The following GRID2 variants were observed in gnomAD, a reference collection of about 807,000 sequenced individuals.
GRID2 encodes the protein glutamate receptor ionotropic, delta-2.
In GRID2, 33 loss-of-function variants were observed where a neutral mutation model predicts 114.8. That is an observed-to-expected ratio of 0.29 (90% CI 0.22 to 0.38). GRID2 has a LOEUF of 0.38. GRID2 is among the 10% of genes least tolerant of loss of function. The pLI, the probability that GRID2 is intolerant of heterozygous loss-of-function variation, is 1.00. For synonymous variants in GRID2, 505 were observed against 449.9 expected, an observed-to-expected ratio of 1.12 and a Z score of -1.55; for missense variants, 1,184 against 1,257.7, an observed-to-expected ratio of 0.94 and a Z score of 0.89.
At chr4:93,011,001 T>A (rs1010763659) in intron 2 of GRID2, among the ~76,000 whole-genome samples, 4 of 151,976 alleles carry the variant, frequency 2.6e-5, no homozygotes, top group Non-Finnish European at 5.9e-5. Flanking sequence ...TTTTCTGACC[T>A]TTTTAGATTT....
At chr4:92,426,313 A>T (rs1732154352) in intron 1 of GRID2, among the ~76,000 whole-genome samples, 1 of 152,160 alleles carries the variant, frequency 6.6e-6, no homozygotes, top group African/African-American at 2.4e-5. Context: ...TGGTAACATG[A>T]TATACAAAGA....
chr4:92,597,271 A>T (rs145560555), intron 2 of GRID2, among the ~76,000 whole-genome samples: 1 of 152,260 alleles, frequency 6.6e-6, no homozygotes, highest in East Asian at 1.9e-4. Context: ...TAATGAAGAT[A>T]CAAATTGCAT....
intron 2 of GRID2, among the ~76,000 whole-genome samples, chr4:92,981,731 T>G (rs2045316): frequency 0.4 from 61,048 of 151,666 alleles, 12,665 homozygotes; most frequent in Admixed American, 0.53. Flanking sequence ...AGACATGGTC[T>G]TAATAATTCA....
intron 2 of GRID2, among the ~76,000 whole-genome samples, chr4:92,879,182 A>G (rs1745830618): frequency 6.6e-6 from 1 of 152,148 alleles, no homozygotes; most frequent in South Asian, 2.1e-4. Flanking sequence ...AAAACTGTTA[A>G]TGATACTATC....
At chr4:92,800,380 G>T (rs984342569) in intron 2 of GRID2, among the ~76,000 whole-genome samples, 1 of 151,864 alleles carries the variant, frequency 6.6e-6, no homozygotes, top group Non-Finnish European at 1.5e-5. Flanking sequence ...GTAGCCTTGG[G>T]ATAAGAAATA....
At chr4:92,840,399 T>C (rs146297218) in intron 2 of GRID2, among the ~76,000 whole-genome samples, 1 of 151,994 alleles carries the variant, frequency 6.6e-6, no homozygotes, top group Non-Finnish European at 1.5e-5. Flanking sequence ...AGTCTTCTCT[T>C]CCTTCTTTCT....
At chr4:93,053,760 A>T (rs1340268809) in intron 2 of GRID2, among the ~76,000 whole-genome samples, 1 of 151,956 alleles carries the variant, frequency 6.6e-6, no homozygotes, top group Non-Finnish European at 1.5e-5. Flanking sequence ...TGAGTTAGAG[A>T]GCTATAGCTG....
At chr4:93,523,968 T>G (rs1162872937) in intron 13 of GRID2, among the ~76,000 whole-genome samples, 9 of 151,966 alleles carry the variant, frequency 5.9e-5, no homozygotes, top group Non-Finnish European at 1.2e-4. Flanking sequence ...CTTGTTCCAT[T>G]CCCCTTCCTC....
At chr4:93,001,984 T>G (rs1721036469) in intron 2 of GRID2, among the ~76,000 whole-genome samples, 1 of 151,632 alleles carries the variant, frequency 6.6e-6, no homozygotes, top group Admixed American at 6.6e-5. Context: ...AACAAAAAAT[T>G]TTACACACTT....
At chr4:93,684,013 T>A (rs1725847387) in intron 14 of GRID2, among the ~76,000 whole-genome samples, 1 of 151,996 alleles carries the variant, frequency 6.6e-6, no homozygotes, top group South Asian at 2.1e-4. Flanking sequence ...TGAAATTCTA[T>A]GGCTTGTTTA....
At chr4:93,393,104 G>C (rs1319320933) in intron 8 of GRID2, among the ~76,000 whole-genome samples, 2 of 151,926 alleles carry the variant, frequency 1.3e-5, no homozygotes, top group Non-Finnish European at 2.9e-5. Flanking sequence ...TGTGATAAGA[G>C]AATGTACTTT....
chr4:93,372,359 G>A (rs891917397), intron 8 of GRID2, among the ~76,000 whole-genome samples: 5 of 90,274 alleles, frequency 5.5e-5, no homozygotes, highest in Non-Finnish European at 1.0e-4. Context: ...AATGACAGTA[G>A]GGATTATAGT....
At chr4:92,621,997 A>G (rs1293354779) in intron 2 of GRID2, among the ~76,000 whole-genome samples, 2 of 151,824 alleles carry the variant, frequency 1.3e-5, no homozygotes. Context: ...TTGAGCTAAT[A>G]GAACAATCAT....
intron 14 of GRID2, among the ~76,000 whole-genome samples, chr4:93,656,849 A>T (rs908540986): frequency 2.7e-5 from 4 of 148,120 alleles, no homozygotes; most frequent in East Asian, 3.9e-4. Flanking sequence ...AAAAAAAAAA[A>T]AAAAAAAACA....
chr4:92,497,378 A>G (rs1723440986), intron 1 of GRID2, among the ~76,000 whole-genome samples: 2 of 151,980 alleles, frequency 1.3e-5, no homozygotes, highest in South Asian at 2.1e-4. Context: ...TCCAGGTTGG[A>G]GAAATCTGAA....
intron 14 of GRID2, among the ~76,000 whole-genome samples, chr4:93,667,508 C>T (rs1172978615): frequency 6.6e-6 from 1 of 151,630 alleles, no homozygotes; most frequent in African/African-American, 2.4e-5. Context: ...CATGAAGTGT[C>T]ATTGATGGGC....
At chr4:93,105,507 G>C (rs1260968587) in intron 3 of GRID2, among the ~76,000 whole-genome samples, 2 of 152,104 alleles carry the variant, frequency 1.3e-5, no homozygotes, top group East Asian at 3.9e-4. Flanking sequence ...AAGGGATCCA[G>C]TTTCAGCTTT....
At chr4:92,487,273 A>G (rs1235617502) in intron 1 of GRID2, among the ~76,000 whole-genome samples, 4 of 152,068 alleles carry the variant, frequency 2.6e-5, no homozygotes, top group Admixed American at 6.5e-5. Context: ...AGAAGCATAG[A>G]TATTATATTA....
intron 1 of GRID2, among the ~76,000 whole-genome samples, chr4:92,534,097 A>C (rs192734391): frequency 6.6e-6 from 1 of 152,214 alleles, no homozygotes; most frequent in Admixed American, 6.5e-5. Context: ...AATCTTTTTG[A>C]AGTAACTCTT....
Sources: gnomAD v4.1 joint callset for allele counts (sites outside exome capture counted in the v4.1 genomes callset) on GRCh38, gnomAD v4.1.1 for gene constraint, MANE v1.5 for transcripts, NCBI Gene and HGNC (gene_info 2026-07-23, HGNC 2026-07-21) for gene names.